Variants in ANKS1B observed in about 807,000 individuals in gnomAD.
ANKS1B encodes the protein ankyrin repeat and sterile alpha motif domain containing 1B.
A neutral mutation model predicts 148.3 loss-of-function variants in ANKS1B; 36 were observed. The ratio of observed to expected loss-of-function variants is 0.24; its 90% CI spans 0.19 to 0.32. The LOEUF is 0.32. Ranked by LOEUF, ANKS1B falls within the 10% of genes least tolerant of loss-of-function variation. The pLI is 1.00. For synonymous variants in ANKS1B, 542 were observed against 560.8 expected (o/e 0.97, Z 0.47); for missense variants, 1,157 against 1,542.6 (o/e 0.75, Z 4.19).
intron 11 of ANKS1B, among the ~76,000 whole-genome samples, chr12:99,413,662 G>C (rs746203398): frequency 3.9e-5 from 6 of 152,094 alleles, no homozygotes; most frequent in Non-Finnish European, 7.4e-5. Flanking sequence ...TATATCTCCT[G>C]ACTTTAGCTC....
intron 15 of ANKS1B, among the ~76,000 whole-genome samples, chr12:99,152,575 C>T (rs995524826): frequency 1.3e-5 from 2 of 151,922 alleles, no homozygotes; most frequent in African/African-American, 4.8e-5. Context: ...CCTTTCAGTT[C>T]GAGGCTTTCA....
chr12:99,863,305 A>G (rs957120627), intron 1 of ANKS1B, among the ~76,000 whole-genome samples: 1 of 152,202 alleles, frequency 6.6e-6, no homozygotes, highest in Non-Finnish European at 1.5e-5. Context: ...CCTGAAAAAA[A>G]GAAAAAAACT....
chr12:99,212,425 CCT>C (rs1300756890), intron 14 of ANKS1B, among the ~76,000 whole-genome samples: 1 of 152,066 alleles, frequency 6.6e-6, no homozygotes, highest in Non-Finnish European at 1.5e-5. Flanking sequence ...TGACTTTCCC[CCT>C]ATGCAAACAT....
chr12:98,895,203 A>G (rs1452740403), intron 17 of ANKS1B: 1 of 984,998 alleles, frequency 1.0e-6, no homozygotes, highest in Non-Finnish European at 1.2e-6. Flanking sequence ...CAGGGCGCCT[A>G]GCACTGGGGG....
chr12:98,812,727 C>A (rs2099107406), intron 19 of ANKS1B, among the ~76,000 whole-genome samples: 1 of 152,062 alleles, frequency 6.6e-6, no homozygotes, highest in South Asian at 2.1e-4. Context: ...GCATGTGCCA[C>A]CATATCCAGC....
intron 17 of ANKS1B, among the ~76,000 whole-genome samples, chr12:99,031,780 G>A (rs1055508182): frequency 6.6e-5 from 10 of 152,170 alleles, no homozygotes; most frequent in African/African-American, 2.2e-4. Context: ...CAGCTAACAA[G>A]TGCCCATTTC....
intron 8 of ANKS1B, among the ~76,000 whole-genome samples, chr12:99,671,907 A>G (rs1335607324): frequency 6.6e-6 from 1 of 152,108 alleles, no homozygotes; most frequent in Admixed American, 6.6e-5. Context: ...AGAAAATAAA[A>G]CCTGATGTTT....
chr12:98,953,920 A>G (rs566651137), intron 17 of ANKS1B, among the ~76,000 whole-genome samples: 1 of 152,268 alleles, frequency 6.6e-6, no homozygotes, highest in South Asian at 2.1e-4. Context: ...TTCAAGGTCC[A>G]GCTCATGTCT....
intron 17 of ANKS1B, among the ~76,000 whole-genome samples, chr12:98,860,389 T>C (rs1440288869): frequency 1.3e-5 from 2 of 152,222 alleles, no homozygotes; most frequent in South Asian, 2.1e-4. Flanking sequence ...CTCTGCTCCT[T>C]AGAGACACAA....
At chr12:99,701,491 C>T (rs1046284087) in intron 8 of ANKS1B, among the ~76,000 whole-genome samples, 5 of 151,976 alleles carry the variant, frequency 3.3e-5, no homozygotes, top group Non-Finnish European at 5.9e-5. Context: ...TCAGGGTAAA[C>T]GAGGTATCCA....
chr12:99,968,427 G>C (rs550780487), intron 1 of ANKS1B, among the ~76,000 whole-genome samples: 1 of 152,076 alleles, frequency 6.6e-6, no homozygotes, highest in Non-Finnish European at 1.5e-5. Context: ...GTGTGGTGGC[G>C]GGCGCCTGTA....
At chr12:99,648,595 A>G in intron 9 of ANKS1B, 1 of 1,614,176 alleles carries the variant, frequency 6.2e-7, no homozygotes, top group Non-Finnish European at 8.5e-7. Context: ...GCTCCACCTG[A>G]AGCTTGCCAC....
chr12:99,548,320 T>C (rs2097188780), intron 9 of ANKS1B, among the ~76,000 whole-genome samples: 1 of 152,110 alleles, frequency 6.6e-6, no homozygotes, highest in Non-Finnish European at 1.5e-5. Flanking sequence ...TCTGGGTGGC[T>C]CTCTACCAAA....
intron 12 of ANKS1B, among the ~76,000 whole-genome samples, chr12:99,276,268 A>G (rs1274912333): frequency 1.3e-5 from 2 of 152,184 alleles, no homozygotes; most frequent in African/African-American, 2.4e-5. Flanking sequence ...TTATGTCCCC[A>G]TCTCCTCCCG....
intron 8 of ANKS1B, among the ~76,000 whole-genome samples, chr12:99,701,710 T>C (rs558383084): frequency 6.6e-6 from 1 of 152,190 alleles, no homozygotes; most frequent in African/African-American, 2.4e-5. Flanking sequence ...TCCCAGCCTC[T>C]GGTCACCATC....
At chr12:99,818,969 G>A (rs1056147625) in intron 2 of ANKS1B, among the ~76,000 whole-genome samples, 38 of 151,818 alleles carry the variant, frequency 2.5e-4, no homozygotes, top group Non-Finnish European at 4.7e-4. Flanking sequence ...TCAACAGCAA[G>A]ATTCCCTGTA....
At chr12:99,566,617 TAC>T (rs1366266087) in intron 9 of ANKS1B, among the ~76,000 whole-genome samples, 1 of 152,116 alleles carries the variant, frequency 6.6e-6, no homozygotes, top group Non-Finnish European at 1.5e-5. Context: ...GTCATCAGGG[TAC>T]AGTCCCCATG....
chr12:99,153,839 G>C (rs1335969980), intron 15 of ANKS1B, among the ~76,000 whole-genome samples: 1 of 152,198 alleles, frequency 6.6e-6, no homozygotes, highest in Middle Eastern at 3.4e-3. Context: ...ACAATTATCA[G>C]GAAAAGAAAT....
At chr12:99,163,467 C>CTGGG (rs2076884603) in intron 14 of ANKS1B, among the ~76,000 whole-genome samples, 1 of 135,004 alleles carries the variant, frequency 7.4e-6, no homozygotes, top group Non-Finnish European at 1.6e-5. Context: ...TACATGCACT[C>CTGGG]TGTGTGTGTG....
Sources: allele counts gnomAD v4.1 joint callset (sites outside exome capture counted in the v4.1 genomes callset), GRCh38; gene constraint gnomAD v4.1.1; transcripts MANE v1.5; gene names NCBI Gene and HGNC (gene_info 2026-07-23, HGNC 2026-07-21).